The following CHN1 variants were observed in gnomAD, a reference collection of about 807,000 sequenced individuals.
CHN1 encodes the protein chimerin 1.
In CHN1, 37 loss-of-function variants were observed where a neutral mutation model predicts 59.5. The ratio of observed to expected loss-of-function variants is 0.62; its 90% confidence interval spans 0.48 to 0.82. CHN1 has a LOEUF of 0.82. Among genes scored for constraint, CHN1 ranks in the 40% least tolerant of loss-of-function variants. CHN1 has a pLI of 0.00. For synonymous variants in CHN1, 206 were observed against 200.4 expected (o/e 1.03, Z -0.24); for missense variants, 469 against 571.0 (o/e 0.82, Z 1.82).
At chr2:174,949,451 T>C (rs1294335221) in intron 2 of CHN1, among the ~76,000 whole-genome samples, 2 of 151,932 alleles carry the variant, frequency 1.3e-5, no homozygotes, top group Non-Finnish European at 2.9e-5. Flanking sequence ...CCCAAGTAGC[T>C]GGGAAGCAGT....
intron 5 of CHN1, among the ~76,000 whole-genome samples, chr2:174,905,710 A>T (rs1688524621): frequency 6.6e-6 from 1 of 152,008 alleles, no homozygotes; most frequent in South Asian, 2.1e-4. Flanking sequence ...GACTACAGCT[A>T]CCATGCCCGG....
intron 1 of CHN1, among the ~76,000 whole-genome samples, chr2:174,982,652 C>T (rs1179522487): frequency 1.3e-5 from 2 of 152,108 alleles, no homozygotes; most frequent in Non-Finnish European, 2.9e-5. Context: ...TAATCCTTAA[C>T]CCCACCCATT....
At chr2:174,868,324 C>T (rs1558959400) in intron 6 of CHN1, among the ~76,000 whole-genome samples, 1 of 152,004 alleles carries the variant, frequency 6.6e-6, no homozygotes, top group Non-Finnish European at 1.5e-5. Flanking sequence ...TACTCTGGTA[C>T]CCTCCTCTCT....
chr2:174,869,394 A>C (rs1307938555), intron 6 of CHN1, among the ~76,000 whole-genome samples: 1 of 152,220 alleles, frequency 6.6e-6, no homozygotes, highest in African/African-American at 2.4e-5. Flanking sequence ...ATAATAAATA[A>C]AAAGAGGAAA....
intron 3 of CHN1, among the ~76,000 whole-genome samples, chr2:174,942,929 T>C (rs1689708853): frequency 6.6e-6 from 1 of 151,878 alleles, no homozygotes. Flanking sequence ...CACATGCCTG[T>C]AGTCCCAGCT....
Position 174,800,106 on chromosome 2 carries a change from A to G in CHN1, c.*10T>C, listed in dbSNP as rs1308296601. On this transcript the variant is annotated 3_prime_UTR_variant, in exon 13 of 13. Coordinates refer to ENST00000409900, the MANE Select transcript of CHN1 (RefSeq NM_001822.7). ...CTGTAAAACATTTCTTTTCCCCTCA[A>G]ATTAAAAATTTAAAATAAAATGTCT... The G allele has an allele frequency of 6.5e-7, 1 of 1,543,562 alleles. No individual in the cohort carries two copies. The highest frequency in any genetic ancestry group is 1.4e-5 in the African/African-American group (1 of 71,762).
rs775399462 is a variant in CHN1, at chr2:175,004,948, G to A, written c.-36C>T. 823 of 1,523,094 alleles carry A rather than the reference G, an allele frequency of 5.4e-4. 2 individuals carry two copies. The highest frequency in any genetic ancestry group is 6.5e-4 in the Non-Finnish European group (739 of 1,138,464). 94.3% of individuals were successfully genotyped at this position (1,523,094 alleles called of 1,614,324 possible). On this transcript the variant is annotated 5_prime_UTR_variant, in exon 1 of 13. Coordinates refer to ENST00000409900, the MANE Select transcript of CHN1 (RefSeq NM_001822.7). ...CTCGCCGCCGCCCGCGAGTCCAGGCGCTCCTCCCAGGCGGGCTAGGGATCA... is the reference window on the plus strand; with the variant it reads ...CTCGCCGCCGCCCGCGAGTCCAGGCACTCCTCCCAGGCGGGCTAGGGATCA...
chr2:174,944,116 C>T (rs1248987522), intron 3 of CHN1, among the ~76,000 whole-genome samples: 1 of 152,142 alleles, frequency 6.6e-6, no homozygotes, highest in Non-Finnish European at 1.5e-5. Flanking sequence ...TCTGGACAGA[C>T]ATTTAGGTTT....
At chr2:174,821,645 A>AT (rs1487744206) in intron 8 of CHN1, 2 of 366,138 alleles carry the variant, frequency 5.5e-6, no homozygotes, top group East Asian at 9.3e-5. Flanking sequence ...CTGCCAAATC[A>AT]TGAGGACACT....
chr2:174,930,160 G>A (rs1689292736), intron 3 of CHN1, among the ~76,000 whole-genome samples: 1 of 152,190 alleles, frequency 6.6e-6, no homozygotes, highest in South Asian at 2.1e-4. Context: ...TCTGACCTGT[G>A]TCCAATTTAT....
intron 1 of CHN1, among the ~76,000 whole-genome samples, chr2:174,987,531 C>T (rs984353671): frequency 1.3e-5 from 2 of 151,944 alleles, no homozygotes; most frequent in Non-Finnish European, 1.5e-5. Flanking sequence ...CCTCAGCCTC[C>T]CGAGTAGCTG....
intron 1 of CHN1, among the ~76,000 whole-genome samples, chr2:175,003,250 T>G (rs1434880990): frequency 6.6e-6 from 1 of 152,248 alleles, no homozygotes; most frequent in African/African-American, 2.4e-5. Context: ...CAAACTGGAT[T>G]TTGGGAAGTG....
rs551320558 is a variant in CHN1 at position 174,931,417 on chromosome 2, T to G, written c.115-12852A>C. Among the ~76,000 whole-genome samples, 5 of 152,298 alleles carry G rather than the reference T, an allele frequency of 3.3e-5. No homozygotes were observed. The East Asian group carries it at 9.7e-4, about 29-fold the overall frequency. On this transcript the variant is annotated intron_variant, in intron 3 of 12. Coordinates refer to ENST00000409900, the MANE Select transcript of CHN1 (RefSeq NM_001822.7). ...TTTTCCTCCCACTCCTGTGCCAAAC[T>G]CAATGCTCCCACCTAATAGAATATG...
chr2:174,852,729 A>G (rs1686776811), intron 6 of CHN1, among the ~76,000 whole-genome samples: 1 of 152,252 alleles, frequency 6.6e-6, no homozygotes, highest in Non-Finnish European at 1.5e-5. Flanking sequence ...GTACAAAAAC[A>G]GACACACAGA....
chr2:174,985,785 C>A (rs2105455532), intron 1 of CHN1, among the ~76,000 whole-genome samples: 1 of 152,228 alleles, frequency 6.6e-6, no homozygotes, highest in East Asian at 1.9e-4. Flanking sequence ...GAAATCTAAA[C>A]TTTAGCATTT....
intron 6 of CHN1, among the ~76,000 whole-genome samples, chr2:174,864,731 G>A (rs1285436001): frequency 6.6e-6 from 1 of 152,072 alleles, no homozygotes; most frequent in Non-Finnish European, 1.5e-5. Flanking sequence ...AGGCATGGTG[G>A]TGCATGCCTG....
At chr2:174,878,187 G>GA (rs201171215) in intron 5 of CHN1, 59 bp from the exon 6 acceptor site, 25,337 of 1,274,418 alleles carry the variant, frequency 0.02, 97 homozygotes, top group South Asian at 0.035. Context: ...AATTCTTTCT[G>GA]AAAAAAAAAC....
At chr2:174,882,366 A>G (rs1463430517) in intron 5 of CHN1, among the ~76,000 whole-genome samples, 1 of 152,204 alleles carries the variant, frequency 6.6e-6, no homozygotes, top group African/African-American at 2.4e-5. Flanking sequence ...AAGATATACA[A>G]TTCTAACATC....
intron 5 of CHN1, among the ~76,000 whole-genome samples, chr2:174,905,589 G>T (rs1295376346): frequency 1.3e-5 from 2 of 151,812 alleles, no homozygotes; most frequent in African/African-American, 4.8e-5. Context: ...CTCTGAGACG[G>T]AGTCTCGCTC....
Sources: gnomAD v4.1 joint callset for allele counts (sites outside exome capture counted in the v4.1 genomes callset) on GRCh38, gnomAD v4.1.1 for gene constraint, MANE v1.5 for transcripts, NCBI Gene and HGNC (gene_info 2026-07-23, HGNC 2026-07-21) for gene names.